Variants in RYR3 observed in about 807,000 individuals in gnomAD.
The protein encoded by RYR3 is ryanodine receptor 3.
RYR3 carries 207 observed loss-of-function variants against 584.3 expected under a neutral mutation model. The ratio of observed to expected loss-of-function variants is 0.35; its 90% CI spans 0.32 to 0.40. The LOEUF (loss-of-function observed/expected upper bound fraction) is 0.40. Ranked by LOEUF, RYR3 falls within the 10% of genes least tolerant of loss-of-function variation. RYR3 has a pLI of 1.00. For missense variants in RYR3, 5,616 were observed against 6,089.2 expected (o/e 0.92, Z 2.59); for synonymous variants, 2,416 against 2,248.5 (o/e 1.07, Z -2.11).
At chr15:33,786,789 A>G (rs1232217944) in intron 66 of RYR3, among the ~76,000 whole-genome samples, 2 of 152,214 alleles carry the variant, frequency 1.3e-5, no homozygotes, top group African/African-American at 4.8e-5. Context: ...TGGCTAAGCT[A>G]AAGGGAACTA....
At chr15:33,774,111 A>G (rs73381197) in intron 64 of RYR3, among the ~76,000 whole-genome samples, 2,427 of 152,316 alleles carry the variant, frequency 0.016, 41 homozygotes, top group Middle Eastern at 0.044. Context: ...AATGCTAGTC[A>G]ATACTCTTGA....
intron 19 of RYR3, among the ~76,000 whole-genome samples, chr15:33,614,214 C>G (rs2060336302): frequency 6.6e-6 from 1 of 152,112 alleles, no homozygotes; most frequent in African/African-American, 2.4e-5. Flanking sequence ...TATTCTACGG[C>G]TTGTGAATAT....
intron 57 of RYR3, among the ~76,000 whole-genome samples, chr15:33,754,701 T>C (rs769080309): frequency 7.2e-5 from 11 of 152,364 alleles, no homozygotes; most frequent in Non-Finnish European, 1.2e-4. Context: ...TTCATTCTGC[T>C]TTAATTTTTC....
chr15:33,342,515 G>T (rs1202644165), intron 1 of RYR3, among the ~76,000 whole-genome samples: 2 of 152,140 alleles, frequency 1.3e-5, no homozygotes, highest in Non-Finnish European at 2.9e-5. Flanking sequence ...TATATTAATA[G>T]GTAGGGTTTC....
At chr15:33,759,670 T>C (rs2072232555) in intron 60 of RYR3, among the ~76,000 whole-genome samples, 1 of 152,198 alleles carries the variant, frequency 6.6e-6, no homozygotes, top group African/African-American at 2.4e-5. Context: ...TACGTTTGAT[T>C]GGTGTACCTG....
intron 1 of RYR3, among the ~76,000 whole-genome samples, chr15:33,438,570 T>C (rs566132841): frequency 1.3e-5 from 2 of 152,302 alleles, no homozygotes; most frequent in South Asian, 2.1e-4. Context: ...TTATCTCCCA[T>C]ATAAGTTTTA....
intron 42 of RYR3, among the ~76,000 whole-genome samples, chr15:33,702,042 G>C (rs1281490592): frequency 1.3e-5 from 2 of 152,124 alleles, no homozygotes; most frequent in East Asian, 3.9e-4. Context: ...TCCCACAAAT[G>C]AACTCACGTG....
At chr15:33,828,114 G>A (rs1391044936) in intron 85 of RYR3, among the ~76,000 whole-genome samples, 1 of 152,148 alleles carries the variant, frequency 6.6e-6, no homozygotes, top group Non-Finnish European at 1.5e-5. Flanking sequence ...TATCTATTAT[G>A]GTGATCTGTG....
intron 1 of RYR3, chr15:33,467,495 GA>G: frequency 1.0e-6 from 1 of 984,672 alleles, no homozygotes; most frequent in Non-Finnish European, 1.2e-6. Context: ...CAAGGTATAA[GA>G]AAGAAAGCTG....
chr15:33,644,212 TG>T, intron 27 of RYR3, 98 bp from the exon 28 acceptor site: 1 of 840,286 alleles, frequency 1.2e-6, no homozygotes, highest in Non-Finnish European at 1.9e-6. Context: ...TCTTTCCTAC[TG>T]GGAGTCAAAG....
chr15:33,714,734 G>A (rs2067373673), intron 43 of RYR3, among the ~76,000 whole-genome samples: 1 of 152,184 alleles, frequency 6.6e-6, no homozygotes. Flanking sequence ...TGCTTTCCTA[G>A]GTAGATTTAT....
intron 1 of RYR3, among the ~76,000 whole-genome samples, chr15:33,375,915 T>C (rs2040694911): frequency 2.0e-5 from 3 of 151,958 alleles, no homozygotes; most frequent in African/African-American, 7.2e-5. Context: ...ATACAAAAAA[T>C]TAGCTGGGCG....
intron 36 of RYR3, among the ~76,000 whole-genome samples, chr15:33,664,165 T>G (rs942215855): frequency 3.3e-5 from 5 of 152,024 alleles, no homozygotes; most frequent in Admixed American, 6.5e-5. Context: ...GCACACAGTC[T>G]TCTTCTTCTA....
intron 89 of RYR3, among the ~76,000 whole-genome samples, chr15:33,839,938 C>G (rs1462036433): frequency 2.0e-5 from 3 of 152,200 alleles, no homozygotes; most frequent in African/African-American, 7.2e-5. Context: ...CATTCCAGGA[C>G]TGCTATGTGC....
At position 33,818,612 on chromosome 15, in the gene RYR3, A is replaced by G; in HGVS notation, c.10634A>G (p.Glu3545Gly). Residue 3545 changes from glutamate (E) to glycine (G), a missense_variant, in exon 76 of 104, where the codon GAG becomes GGG. Physicochemically the swap from Glu to Gly is moderately conservative, Grantham distance 98. Transcript: ENST00000634891. ...AAGGTGGAAGAGGAGGAGGAGGAAG[A>G]GACAGAAAAACAACCTGACCCACTA... ...SPKVEEEEEE[E>G]TEKQPDPLHQ... The G allele has an allele frequency of 6.2e-7, 1 of 1,613,972 alleles. No homozygotes were observed. The highest frequency in any genetic ancestry group is 8.5e-7 in the Non-Finnish European group (1 of 1,179,854).
intron 94 of RYR3, chr15:33,849,618 A>G (rs1363289882): frequency 6.6e-6 from 1 of 152,210 alleles, no homozygotes; most frequent in East Asian, 1.9e-4. Flanking sequence ...AAGATAAATT[A>G]ATGTGGCAAA....
At chr15:33,382,910 A>G (rs1186531828) in intron 1 of RYR3, among the ~76,000 whole-genome samples, 2 of 151,624 alleles carry the variant, frequency 1.3e-5, no homozygotes, top group African/African-American at 4.9e-5. Context: ...AATATTTGAA[A>G]TTTTAAACCT....
At chr15:33,570,377 A>G (rs2057959490) in intron 12 of RYR3, among the ~76,000 whole-genome samples, 1 of 152,160 alleles carries the variant, frequency 6.6e-6, no homozygotes, top group Admixed American at 6.5e-5. Flanking sequence ...CCTTTGTCAA[A>G]AGCCAAGTGA....
chr15:33,694,284 C>T (rs557970882), intron 38 of RYR3, among the ~76,000 whole-genome samples: 10 of 150,336 alleles, frequency 6.7e-5, no homozygotes, highest in Admixed American at 5.3e-4. Flanking sequence ...CTTGGTCTGT[C>T]GCCCAGCTGG....
Sources: allele counts gnomAD v4.1 joint callset (sites outside exome capture counted in the v4.1 genomes callset), GRCh38; gene constraint gnomAD v4.1.1; transcripts MANE v1.5; gene names NCBI Gene and HGNC (gene_info 2026-07-23, HGNC 2026-07-21).